The following MYBL1 variants were observed in gnomAD, a reference collection of about 807,000 sequenced individuals.
The protein encoded by MYBL1 is MYB proto-oncogene like 1, also known as myb-related protein A.
In MYBL1, 17 loss-of-function variants were observed where a neutral mutation model predicts 96.3. The observed-to-expected ratio is 0.18, with a 90% CI of 0.12 to 0.26. The LOEUF (loss-of-function observed/expected upper bound fraction) is 0.26, where lower values mean the gene tolerates loss of function less well. MYBL1 is among the 10% of genes least tolerant of loss of function. The pLI is 1.00. For synonymous variants in MYBL1, 282 were observed against 292.7 expected (o/e 0.96, Z 0.37); for missense variants, 701 against 882.9 (o/e 0.79, Z 2.61).
chr8:66,576,340 A>G lies in MYBL1; in HGVS notation c.1137T>C (p.Asp379=), dbSNP rs937587589. ...TAGGAGAAGCAGCAGCATCAGAAAT[A>G]TCAAAACTGGTAACGTCACTCCATG... The part of the protein sequence containing the change: ...PVAWSDVTSF[D]ISDAAASPIK... Residue 379 remains aspartate (D), a synonymous_variant, in exon 10 of 16, where the codon GAT becomes GAC. Coordinates refer to ENST00000522677, the MANE Select transcript of MYBL1 (RefSeq NM_001080416.4). 1.2e-6 allele frequency: 2 copies of G among 1,613,470 alleles called. No individual in the cohort carries two copies. Among genetic ancestry groups the G allele is most frequent in the African/African-American group, 2.7e-5 (2 of 74,854 alleles).
chr8:66,575,139 GT>G (rs1808883850), intron 10 of MYBL1, among the ~76,000 whole-genome samples: 1 of 152,104 alleles, frequency 6.6e-6, no homozygotes, highest in South Asian at 2.1e-4. Flanking sequence ...AACATCTACT[GT>G]CCAGGGATAT....
Position 66,612,831 on chromosome 8 carries a change from T to G in MYBL1, c.8A>C (p.Lys3Thr). The change falls in exon 1 of 16, where the codon AAG (lysine) becomes ACG (threonine). Residue 3 changes from lysine (K) to threonine (T), a missense_variant. Coordinates refer to ENST00000522677, the MANE Select transcript of MYBL1 (RefSeq NM_001080416.4). MA[K>T]RSRSEDEDDD... ...GGGTGCCACCCACCTGCGCGACCTC[T>G]TCGCCATCCTTCAAGTACCGCATAG... The G allele has an allele frequency of 7.3e-7, 1 of 1,371,970 alleles. No homozygotes were observed. Among genetic ancestry groups the G allele is most frequent in the Non-Finnish European group, 9.5e-7 (1 of 1,053,716 alleles). 85.0% of individuals were successfully genotyped at this position (1,371,970 alleles called of 1,614,324 possible). A position where few individuals can be genotyped will look rare whatever the true frequency, so the allele number is the denominator to read the frequency against.
At chr8:66,599,518 G>A (rs1422334398) in intron 3 of MYBL1, among the ~76,000 whole-genome samples, 1 of 152,040 alleles carries the variant, frequency 6.6e-6, no homozygotes, top group Non-Finnish European at 1.5e-5. Context: ...AACTCAAATA[G>A]TGCCAGGCGC....
chr8:66,575,949 A>G, intron 10 of MYBL1, 58 bp downstream of exon 10: 1 of 1,526,640 alleles, frequency 6.6e-7, no homozygotes, highest in Middle Eastern at 1.8e-4. Context: ...GATGTTAAAG[A>G]TCTAATTTAA....
rs1486452612 is a variant in MYBL1, at chr8:66,580,221, G to T, written c.1013C>A (p.Thr338Lys). Residue 338 changes from threonine (T) to lysine (K), a missense_variant, in exon 9 of 16, where the codon ACA (threonine) becomes AAA (lysine). Thr to Lys is a moderately conservative substitution (Grantham distance 78). Coordinates refer to ENST00000522677, the MANE Select transcript of MYBL1 (RefSeq NM_001080416.4). Reference protein sequence around the residue: ...QPVSAQQNSPTKFLAVEANAV... With the variant: ...QPVSAQQNSPKKFLAVEANAV... The stretch of plus-strand genomic sequence containing the variant: ...GTTTGCCTCCACGGCCAGGAACTTT[G>T]TGGGTGAATTCTGCTGAGCAGACAC... 6.2e-7 allele frequency: 1 copy of T among 1,613,958 alleles called. No homozygotes were observed. Among genetic ancestry groups the T allele is most frequent in the Non-Finnish European group, 8.5e-7 (1 of 1,179,880 alleles).
chr8:66,596,797 T>C (rs1809868299), intron 5 of MYBL1, among the ~76,000 whole-genome samples: 2 of 152,284 alleles, frequency 1.3e-5, no homozygotes, highest in Middle Eastern at 3.4e-3. Context: ...TAGAGTGTAC[T>C]TAGCACATCA....
At chr8:66,578,908 G>T (rs1025308474) in intron 9 of MYBL1, among the ~76,000 whole-genome samples, 17 of 152,070 alleles carry the variant, frequency 1.1e-4, no homozygotes, top group Admixed American at 6.6e-5. Flanking sequence ...CCATAAAAAA[G>T]GATGAGTTCA....
intron 9 of MYBL1, among the ~76,000 whole-genome samples, chr8:66,578,497 CCAT>C (rs2129806739): frequency 6.6e-6 from 1 of 152,204 alleles, no homozygotes; most frequent in South Asian, 2.1e-4. Context: ...TCATCACTGG[CCAT>C]CAGAGAAATG....
At chr8:66,574,696 C>T (rs974544454) in intron 10 of MYBL1, among the ~76,000 whole-genome samples, 1 of 152,244 alleles carries the variant, frequency 6.6e-6, no homozygotes, top group African/African-American at 2.4e-5. Context: ...TGACAAGTGG[C>T]TCAACTTCAG....
intron 11 of MYBL1, 107 bp downstream of exon 11, chr8:66,573,257 G>A: frequency 9.0e-7 from 1 of 1,116,134 alleles, no homozygotes; most frequent in Non-Finnish European, 1.2e-6. Context: ...TCTAAGTCCT[G>A]TAGGAATAGG....
chr8:66,562,636 CT>C lies in MYBL1; in HGVS notation c.*2060del, dbSNP rs1203066411. 6.6e-6 allele frequency: 1 copy of C among 152,428 alleles called. No homozygotes were observed. The highest frequency in any genetic ancestry group is 2.4e-5 in the African/African-American group (1 of 41,396). The allele number at this position is 152,428 out of a possible 1,614,324, so 9.4% of individuals were successfully genotyped here. On this transcript the variant is annotated 3_prime_UTR_variant, in exon 16 of 16. Coordinates refer to ENST00000522677, the MANE Select transcript of MYBL1 (RefSeq NM_001080416.4). Reference sequence around the variant, plus strand: ...AAATATAGCCTTACAAGATATTATACTTTGGTGATTGCAGACTATGTATATC... The same window carrying C: ...AAATATAGCCTTACAAGATATTATACTTGGTGATTGCAGACTATGTATATC...
At chr8:66,599,373 A>G (rs1205436725) in intron 3 of MYBL1, among the ~76,000 whole-genome samples, 1 of 152,256 alleles carries the variant, frequency 6.6e-6, no homozygotes, top group Admixed American at 6.5e-5. Context: ...TTTAAAACTA[A>G]AGTGTGTATC....
At chr8:66,607,999 C>G (rs1810388685) in intron 1 of MYBL1, among the ~76,000 whole-genome samples, 1 of 152,124 alleles carries the variant, frequency 6.6e-6, no homozygotes, top group Admixed American at 6.5e-5. Flanking sequence ...ATAATTTTTA[C>G]CTTGGGAATT....
chr8:66,590,787 G>A (rs1809607525), intron 8 of MYBL1, among the ~76,000 whole-genome samples: 1 of 152,002 alleles, frequency 6.6e-6, no homozygotes, highest in African/African-American at 2.4e-5. Flanking sequence ...GGGAGGGACA[G>A]GGAAATATAT....
chr8:66,596,173 T>C (rs1438530367), intron 5 of MYBL1, among the ~76,000 whole-genome samples: 1 of 152,126 alleles, frequency 6.6e-6, no homozygotes, highest in Non-Finnish European at 1.5e-5. Context: ...ACAAACCAGC[T>C]ATACGAGAAC....
Position 66,566,746 on chromosome 8 carries a change from C to G in MYBL1, c.1888G>C (p.Asp630His). Reference sequence around the variant, plus strand: ...CCTGATTCTTCTTTTTCCCAATTATCTAAGACTAGTGATTTTCTGACTTTC... The same window carrying G: ...CCTGATTCTTCTTTTTCCCAATTATGTAAGACTAGTGATTTTCTGACTTTC... ...GKKVRKSLVL[D>H]NWEKEESGTQ... The change falls in exon 14 of 16, where the codon GAT becomes CAT. Residue 630 changes from aspartate (D) to histidine (H), a missense_variant. Asp to His is a moderately conservative substitution (Grantham distance 81, BLOSUM62 -1). Around this residue, in one of 5 missense-constraint regions of MYBL1, gnomAD observed 137 missense variants for 137.5 expected, o/e 1.00. Transcript: ENST00000522677. The G allele has an allele frequency of 6.2e-7, 1 of 1,610,634 alleles. No homozygotes were observed. The highest frequency in any genetic ancestry group is 8.5e-7 in the Non-Finnish European group (1 of 1,177,870).
chr8:66,593,196 T>TA lies in MYBL1; in HGVS notation c.688-3dup. ...TGACACATACTGATACCCAGGGATC[T>TA]AAAAAGTAATTAATGCATTATTATC... On this transcript the variant is annotated splice_polypyrimidine_tract_variant and splice_region_variant and intron_variant, in intron 6 of 15. Transcript: ENST00000522677. 4 of 1,551,868 alleles carry TA rather than the reference T, an allele frequency of 2.6e-6. No homozygotes were observed. The Admixed American group carries it at 7.1e-5, about 28-fold the overall frequency.
chr8:66,578,222 T>A (rs1809046888), intron 9 of MYBL1, among the ~76,000 whole-genome samples: 2 of 151,208 alleles, frequency 1.3e-5, no homozygotes, highest in South Asian at 4.2e-4. Context: ...AAGACAAAAT[T>A]GACAAATGGG....
chr8:66,604,676 GA>G (rs1381934970), intron 1 of MYBL1, among the ~76,000 whole-genome samples: 6 of 152,070 alleles, frequency 3.9e-5, no homozygotes, highest in Non-Finnish European at 8.8e-5. Context: ...CAAAAATCTG[GA>G]AGTGATAAAA....
Sources: allele counts gnomAD v4.1 joint callset (sites outside exome capture counted in the v4.1 genomes callset), GRCh38; gene constraint gnomAD v4.1.1; regional missense constraint gnomAD v4.1.1; transcripts MANE v1.5; gene names NCBI Gene and HGNC (gene_info 2026-07-23, HGNC 2026-07-21).